Variants in KCNMA1 observed in about 807,000 individuals in gnomAD.
KCNMA1 encodes Calcium-activated potassium channel subunit alpha-1.
A neutral mutation model predicts 140.0 loss-of-function variants in KCNMA1; 29 were observed. The ratio of observed to expected loss-of-function variants is 0.21; its 90% CI spans 0.15 to 0.28. The LOEUF is 0.28. KCNMA1 is among the 10% of genes least tolerant of loss of function. KCNMA1 has a pLI of 1.00. For synonymous variants in KCNMA1, 612 were observed against 611.9 expected (o/e 1.00, Z 0.00); for missense variants, 880 against 1,602.2 (o/e 0.55, Z 7.70).
intron 2 of KCNMA1, among the ~76,000 whole-genome samples, chr10:77,362,987 G>A (rs918426658): frequency 2.6e-5 from 4 of 152,196 alleles, no homozygotes; most frequent in African/African-American, 7.2e-5. Context: ...CTTAGCTTGC[G>A]CCGTCTCCCA....
intron 1 of KCNMA1, among the ~76,000 whole-genome samples, chr10:77,447,757 C>T (rs1208724840): frequency 6.6e-6 from 1 of 152,176 alleles, no homozygotes; most frequent in African/African-American, 2.4e-5. Context: ...TGATGGCTCA[C>T]TTAAGAAGTG....
chr10:76,914,223 AC>A (rs1441271933), intron 24 of KCNMA1: 2 of 1,024,524 alleles, frequency 2.0e-6, no homozygotes, highest in East Asian at 5.2e-5. Context: ...AACAGAGGAA[AC>A]ATTCTCAAGT....
chr10:77,470,633 G>A (rs2098129563), intron 1 of KCNMA1, among the ~76,000 whole-genome samples: 1 of 152,202 alleles, frequency 6.6e-6, no homozygotes, highest in Non-Finnish European at 1.5e-5. Context: ...CAGAAGAGCA[G>A]AAAGAAGGCA....
chr10:77,028,231 G>T (rs557849199), intron 15 of KCNMA1, among the ~76,000 whole-genome samples: 1 of 152,240 alleles, frequency 6.6e-6, no homozygotes, highest in South Asian at 2.1e-4. Flanking sequence ...TTAACTACAG[G>T]GGGAGGGAAA....
At chr10:77,184,737 G>T in intron 4 of KCNMA1, 86 bp downstream of exon 4, 2 of 875,330 alleles carry the variant, frequency 2.3e-6, no homozygotes, top group Non-Finnish European at 3.9e-6. Context: ...TATCTTGACT[G>T]CGAGAGCAGA....
chr10:77,468,400 C>T (rs534317268), intron 1 of KCNMA1, among the ~76,000 whole-genome samples: 16 of 152,258 alleles, frequency 1.1e-4, no homozygotes, highest in African/African-American at 3.9e-4. Context: ...TCCTAATGCC[C>T]AGTACCTCAG....
chr10:77,231,923 A>G (rs1312018554), intron 3 of KCNMA1, among the ~76,000 whole-genome samples: 1 of 152,228 alleles, frequency 6.6e-6, no homozygotes, highest in Non-Finnish European at 1.5e-5. Context: ...GAAGCCCTGT[A>G]GCCTTCAGCT....
chr10:76,966,498 T>C (rs1472449259), intron 20 of KCNMA1, among the ~76,000 whole-genome samples: 3 of 152,172 alleles, frequency 2.0e-5, no homozygotes, highest in Non-Finnish European at 2.9e-5. Flanking sequence ...AGAGTTTTCA[T>C]TGAAGGTTCA....
intron 9 of KCNMA1, among the ~76,000 whole-genome samples, chr10:77,100,180 C>A (rs887451289): frequency 1.3e-5 from 2 of 152,124 alleles, no homozygotes; most frequent in African/African-American, 4.8e-5. Flanking sequence ...CACATTTTAC[C>A]CACAGCACAT....
intron 1 of KCNMA1, among the ~76,000 whole-genome samples, chr10:77,554,824 A>G (rs2063811439): frequency 6.6e-6 from 1 of 151,978 alleles, no homozygotes; most frequent in Non-Finnish European, 1.5e-5. Flanking sequence ...GGCACAGTCA[A>G]CCATTACGGC....
At chr10:77,445,044 T>C (rs2154515391) in intron 1 of KCNMA1, among the ~76,000 whole-genome samples, 1 of 152,278 alleles carries the variant, frequency 6.6e-6, no homozygotes, top group East Asian at 1.9e-4. Flanking sequence ...ATGAGATAGA[T>C]GCCCAAGGCT....
intron 1 of KCNMA1, among the ~76,000 whole-genome samples, chr10:77,410,736 CT>C (rs1414698532): frequency 6.6e-6 from 1 of 152,224 alleles, no homozygotes; most frequent in Non-Finnish European, 1.5e-5. Context: ...CCTCCTCATG[CT>C]GCCAGGACAT....
intron 5 of KCNMA1, among the ~76,000 whole-genome samples, chr10:77,179,234 T>C (rs1449467618): frequency 6.6e-6 from 1 of 152,132 alleles, no homozygotes; most frequent in Admixed American, 6.5e-5. Flanking sequence ...GAGCGACCCA[T>C]CAGCAAACAG....
At chr10:76,931,022 GA>G (rs2059144276) in intron 23 of KCNMA1, among the ~76,000 whole-genome samples, 1 of 152,066 alleles carries the variant, frequency 6.6e-6, no homozygotes, top group Non-Finnish European at 1.5e-5. Context: ...TTGGTCAAAG[GA>G]TACAAACTTG....
chr10:77,217,325 C>A (rs2048120635), intron 3 of KCNMA1, among the ~76,000 whole-genome samples: 1 of 150,122 alleles, frequency 6.7e-6, no homozygotes, highest in African/African-American at 2.4e-5. Flanking sequence ...AACAAACAAA[C>A]AAAAAAAAAC....
chr10:77,330,518 C>T (rs1046412046), intron 2 of KCNMA1, among the ~76,000 whole-genome samples: 1 of 152,210 alleles, frequency 6.6e-6, no homozygotes, highest in Non-Finnish European at 1.5e-5. Flanking sequence ...CAAACAATGG[C>T]AATGACCCCT....
chr10:77,195,873 C>T lies in KCNMA1; in HGVS notation c.603-10957G>A, dbSNP rs538176328. 9.9e-5 allele frequency among the ~76,000 whole-genome samples: 15 copies of T among 152,156 alleles called. No homozygotes were observed. In the East Asian group the frequency reaches 2.3e-3, roughly 24 times the overall value. ...CTGAGGCAGGAGAATGGTTTGAACT[C>T]GGGTGGTAGAGGTTGCAGTGAGCCA... On this transcript the variant is annotated intron_variant, in intron 3 of 27. Transcript: ENST00000286628.
Position 77,568,534 on chromosome 10 carries a change from AC to A in KCNMA1, c.378+68730del, listed in dbSNP as rs1436008221. Among the ~76,000 whole-genome samples the A allele has an allele frequency of 5.3e-3, 796 of 151,210 alleles. 4 individuals are homozygous for A. The highest frequency in any genetic ancestry group is 0.019 in the African/African-American group (774 of 41,216). On this transcript the variant is annotated intron_variant, in intron 1 of 27. Transcript: ENST00000286628. The stretch of plus-strand genomic sequence containing the variant: ...AAAAGGCCTTTGACAAAATTCAACA[AC>A]CCTTCATGCTAAAAACTCTCAATAA...
intron 15 of KCNMA1, among the ~76,000 whole-genome samples, chr10:77,029,731 G>A (rs911568732): frequency 6.6e-6 from 1 of 152,150 alleles, no homozygotes; most frequent in African/African-American, 2.4e-5. Flanking sequence ...GAGAAGATAT[G>A]GGGAAAGAGC....
Sources: allele counts gnomAD v4.1 joint callset (sites outside exome capture counted in the v4.1 genomes callset), GRCh38; gene constraint gnomAD v4.1.1; transcripts MANE v1.5; gene names NCBI Gene and HGNC (gene_info 2026-07-23, HGNC 2026-07-21).